The following HIBCH variants were observed in gnomAD, a reference collection of about 807,000 sequenced individuals.
HIBCH encodes the protein 3-hydroxyisobutyryl-CoA hydrolase.
A neutral mutation model predicts 58.2 loss-of-function variants in HIBCH; 50 were observed. The ratio of observed to expected loss-of-function variants is 0.86; its 90% CI spans 0.68 to 1.09. HIBCH has a LOEUF of 1.09. Among genes scored for constraint, HIBCH ranks in the 50% least tolerant of loss-of-function variants. HIBCH has a pLI of 0.00. For synonymous variants in HIBCH, 151 were observed against 146.9 expected, an observed-to-expected ratio of 1.03 and a Z score of -0.20; for missense variants, 450 against 449.7, an observed-to-expected ratio of 1.00 and a Z score of -0.01.
intron 1 of HIBCH, among the ~76,000 whole-genome samples, chr2:190,314,386 T>TAC (rs1688658346): frequency 1.1e-5 from 1 of 91,686 alleles, no homozygotes; most frequent in African/African-American, 4.5e-5. Flanking sequence ...TATGTGTATA[T>TAC]ATATGTATAT....
intron 12 of HIBCH, 151 bp downstream of exon 12, chr2:190,212,805 T>A (rs1575695559): frequency 7.4e-6 from 5 of 672,402 alleles, no homozygotes; most frequent in Non-Finnish European, 1.0e-5. Flanking sequence ...CTTCCACACA[T>A]CTAAAACTAA....
At position 190,314,939 on chromosome 2, in the gene HIBCH, T is replaced by C. The variant is rs535429318; in HGVS notation, c.36-4143A>G. On this transcript the variant is annotated intron_variant, in intron 1 of 13. Transcript: ENST00000359678. ...CCATCTGGTGGAGAGGAAGAGGGCA[T>C]GCACCTCTCCGCTCCTTTTTTTTTT... Among the ~76,000 whole-genome samples the C allele has an allele frequency of 3.7e-4, 56 of 152,106 alleles. 3 individuals carry two copies. The South Asian group carries it at 0.011, about 30-fold the overall frequency.
intron 6 of HIBCH, among the ~76,000 whole-genome samples, chr2:190,268,785 C>T (rs1164871987): frequency 6.6e-6 from 1 of 152,286 alleles, no homozygotes; most frequent in Admixed American, 6.5e-5. Flanking sequence ...AACCCATAGG[C>T]AGCATGCCCA....
chr2:190,298,250 C>T (rs113630156), intron 2 of HIBCH, among the ~76,000 whole-genome samples: 110,114 of 152,066 alleles, frequency 0.72, 40,357 homozygotes, highest in Non-Finnish European at 0.75. Flanking sequence ...GAATGACTTA[C>T]AATCCTTTGG....
chr2:190,257,940 T>C (rs1442083887), intron 7 of HIBCH, among the ~76,000 whole-genome samples: 4 of 152,126 alleles, frequency 2.6e-5, no homozygotes, highest in Admixed American at 2.0e-4. Flanking sequence ...AGGCGACACA[T>C]ACAAAAAAGC....
At chr2:190,263,782 G>A (rs1210477335) in intron 6 of HIBCH, among the ~76,000 whole-genome samples, 1 of 152,020 alleles carries the variant, frequency 6.6e-6, no homozygotes, top group African/African-American at 2.4e-5. Context: ...AAACATCTCA[G>A]CATTACCTTC....
chr2:190,246,478 G>A (rs1686612121), intron 9 of HIBCH, among the ~76,000 whole-genome samples: 1 of 152,098 alleles, frequency 6.6e-6, no homozygotes, highest in Non-Finnish European at 1.5e-5. Flanking sequence ...TATTACATTT[G>A]ACACATTATC....
At chr2:190,284,960 T>C (rs1575748614) in intron 6 of HIBCH, among the ~76,000 whole-genome samples, 1 of 152,248 alleles carries the variant, frequency 6.6e-6, no homozygotes, top group Non-Finnish European at 1.5e-5. Context: ...GGAGTACTTA[T>C]CACTCCTTTG....
chr2:190,241,400 G>A (rs758766643), intron 11 of HIBCH, among the ~76,000 whole-genome samples: 25 of 152,250 alleles, frequency 1.6e-4, no homozygotes, highest in Non-Finnish European at 3.2e-4. Context: ...GCACACCAAT[G>A]GGTCTTGACT....
chr2:190,319,625 T>G, intron 1 of HIBCH, 91 bp downstream of exon 1: 1 of 1,148,464 alleles, frequency 8.7e-7, no homozygotes, highest in Non-Finnish European at 1.3e-6. Context: ...ACTCGAAACT[T>G]CGAGGCCAGC....
intron 2 of HIBCH, among the ~76,000 whole-genome samples, chr2:190,301,445 A>T (rs937743766): frequency 6.6e-6 from 1 of 152,234 alleles, no homozygotes; most frequent in Non-Finnish European, 1.5e-5. Context: ...AGGAAAATTT[A>T]AAAAGGCAGT....
chr2:190,301,633 C>T (rs1688264782), intron 2 of HIBCH, among the ~76,000 whole-genome samples: 1 of 152,180 alleles, frequency 6.6e-6, no homozygotes, highest in Admixed American at 6.5e-5. Flanking sequence ...ACACAACTGT[C>T]TTAGTCCATT....
At chr2:190,238,880 G>A (rs1686365828) in intron 11 of HIBCH, among the ~76,000 whole-genome samples, 1 of 152,160 alleles carries the variant, frequency 6.6e-6, no homozygotes, top group Admixed American at 6.6e-5. Context: ...CCTTTAGATG[G>A]ATAGGTTGCA....
rs1189177752 is a variant in HIBCH, at chr2:190,206,715, GTTT to G, written c.1046-1486_1046-1484del. Among the ~76,000 whole-genome samples, 7 of 152,276 alleles carry G rather than the reference GTTT, an allele frequency of 4.6e-5. No homozygotes were observed. The highest frequency in any genetic ancestry group is 1.7e-4 in the African/African-American group (7 of 41,566). On this transcript the variant is annotated intron_variant, in intron 13 of 13. Transcript: ENST00000359678. This position sits in a 1 kb window ranked among gnomAD's most constrained non-coding sequence, Gnocchi z 5.1. ...CTAACTTACTTTAACTTGCTAATAT[GTTT>G]TTATTATTAGCAAACTGCAGCAAAC... is the stretch of plus-strand genomic sequence containing the variant.
At chr2:190,238,781 G>C (rs1361335747) in intron 11 of HIBCH, among the ~76,000 whole-genome samples, 1 of 152,200 alleles carries the variant, frequency 6.6e-6, no homozygotes, top group Non-Finnish European at 1.5e-5. Flanking sequence ...CTTCTTTTGA[G>C]AAGTGTCTGT....
At chr2:190,200,334 C>CTGT (rs1553491748), downstream of HIBCH, 2 of 587,204 alleles carry the variant, frequency 3.4e-6, no homozygotes, top group Admixed American at 6.1e-5. Context: ...ACAGCAATTT[C>CTGT]TGTTTAGTCT....
intron 6 of HIBCH, among the ~76,000 whole-genome samples, chr2:190,267,088 A>C (rs1378829694): frequency 2.0e-5 from 3 of 151,596 alleles, no homozygotes; most frequent in Non-Finnish European, 4.4e-5. Context: ...TATTATTTTT[A>C]TTTTTTATTT....
At chr2:190,269,767 G>A (rs1687339022) in intron 6 of HIBCH, among the ~76,000 whole-genome samples, 1 of 152,154 alleles carries the variant, frequency 6.6e-6, no homozygotes, top group African/African-American at 2.4e-5. Flanking sequence ...AAAGACACAT[G>A]CACACATATG....
intron 1 of HIBCH, among the ~76,000 whole-genome samples, chr2:190,195,151 C>T (rs1689909330): frequency 6.6e-6 from 1 of 152,068 alleles, no homozygotes; most frequent in Non-Finnish European, 1.5e-5. Flanking sequence ...CGTGACTATG[C>T]CCAGCCTAAC....
Sources: gnomAD v4.1 joint callset for allele counts (sites outside exome capture counted in the v4.1 genomes callset) on GRCh38, gnomAD v4.1.1 for gene constraint, Gnocchi (gnomAD v3.1) non-coding constraint, MANE v1.5 for transcripts, NCBI Gene and HGNC (gene_info 2026-07-23, HGNC 2026-07-21) for gene names.